LOXL2: variants seen among roughly 807,000 people sequenced by gnomAD.
The protein encoded by LOXL2 is lysyl oxidase like 2, also known as lysyl oxidase homolog 2.
Under a neutral mutation model 93.0 loss-of-function variants are expected in LOXL2, and 70 were observed. That is an observed-to-expected ratio of 0.75 (90% CI 0.62 to 0.92). The LOEUF (loss-of-function observed/expected upper bound fraction) is 0.92. LOXL2 is among the 40% of genes least tolerant of loss of function. The pLI is 0.00. For synonymous variants in LOXL2, 438 were observed against 413.2 expected (o/e 1.06, Z -0.73); for missense variants, 973 against 1,054.9 (o/e 0.92, Z 1.08).
intron 2 of LOXL2, 65 bp downstream of exon 2, chr8:23,367,932 T>G (rs1804431634): frequency 7.2e-7 from 1 of 1,383,074 alleles, no homozygotes; most frequent in African/African-American, 1.4e-5. Flanking sequence ...CAGGCTGACC[T>G]CAGGGAAGGC....
chr8:23,386,764 C>T (rs556116160), intron 1 of LOXL2, among the ~76,000 whole-genome samples: 30 of 152,234 alleles, frequency 2.0e-4, no homozygotes, highest in African/African-American at 5.8e-4. Flanking sequence ...CCCTCCTCTA[C>T]GCTGAATGCA....
At position 23,368,195 on chromosome 8, in the gene LOXL2, C is replaced by T. The variant is rs138503568; in HGVS notation, c.157G>A (p.Val53Met). 30 of 1,613,906 alleles carry T rather than the reference C, an allele frequency of 1.9e-5. No homozygotes were observed. The highest frequency in any genetic ancestry group is 2.4e-5 in the Non-Finnish European group (28 of 1,180,038). ...GCCAGGCGCAGCTGAATCTTGGCCACGTTGGCGGGGGCCTGGGGCTGGTGA... is the reference window on the plus strand; with the variant it reads ...GCCAGGCGCAGCTGAATCTTGGCCATGTTGGCGGGGGCCTGGGGCTGGTGA... ...EYHQPQAPANVAKIQLRLAGQ... is the reference protein window; with the variant it reads ...EYHQPQAPANMAKIQLRLAGQ... The change falls in exon 2 of 14, where the codon GTG (valine) becomes ATG (methionine). Residue 53 changes from valine to methionine, a missense_variant. Val to Met is a conservative substitution (Grantham distance 21, BLOSUM62 1). Coordinates refer to ENST00000389131, the MANE Select transcript of LOXL2 (RefSeq NM_002318.3).
At chr8:23,375,987 T>C (rs1804581148) in intron 1 of LOXL2, among the ~76,000 whole-genome samples, 1 of 151,924 alleles carries the variant, frequency 6.6e-6, no homozygotes. Context: ...TGAATAGGAG[T>C]GGTGAGAGAG....
rs373837133 is a variant in LOXL2, at chr8:23,309,720, C to T, written c.1828G>A (p.Asp610Asn). The T allele has an allele frequency of 1.7e-4, 263 of 1,576,292 alleles. No homozygotes were observed. Among genetic ancestry groups the T allele is most frequent in the South Asian group, 3.8e-4 (33 of 86,350 alleles). Residue 610 changes from aspartate to asparagine, a missense_variant, in exon 10 of 14, where the codon GAC becomes AAC. Physicochemically the swap from Asp to Asn is conservative, Grantham distance 23 (BLOSUM62 1). Transcript: ENST00000389131. ...TGGCGGCCGTTCTTGGGCCGGAAGT[C>T]GGACTGGCCATTGTTGTGGATCTGG... is the stretch of plus-strand genomic sequence containing the variant. ...SSQIHNNGQS[D>N]FRPKNGRHAW... is the part of the protein sequence containing the mutation.
chr8:23,360,307 T>G (rs1286766553), intron 2 of LOXL2, 42 bp from the exon 3 acceptor site: 1 of 1,500,832 alleles, frequency 6.7e-7, no homozygotes, highest in Non-Finnish European at 9.1e-7. Flanking sequence ...GCTGCGTCAA[T>G]GCAGGTCTGA....
intron 10 of LOXL2, among the ~76,000 whole-genome samples, chr8:23,306,675 G>C (rs1382567995): frequency 2.6e-5 from 4 of 152,264 alleles, no homozygotes; most frequent in African/African-American, 9.6e-5. Flanking sequence ...CTGACCCGGA[G>C]GACTGTCATC....
chr8:23,354,751 TC>T (rs1162368023), intron 3 of LOXL2, among the ~76,000 whole-genome samples: 1 of 151,612 alleles, frequency 6.6e-6, no homozygotes, highest in Non-Finnish European at 1.5e-5. Flanking sequence ...CCCACTTCCC[TC>T]CCCATGTAGG....
chr8:23,362,909 G>A (rs1245433622), intron 2 of LOXL2, among the ~76,000 whole-genome samples: 1 of 152,162 alleles, frequency 6.6e-6, no homozygotes, highest in Non-Finnish European at 1.5e-5. Context: ...CCTTTTAGGA[G>A]TCTAGAGCAG....
At chr8:23,300,741 A>G (rs959047523) in intron 12 of LOXL2, among the ~76,000 whole-genome samples, 1 of 152,130 alleles carries the variant, frequency 6.6e-6, no homozygotes, top group Admixed American at 6.5e-5. Flanking sequence ...CTTCCTTGGG[A>G]GATTAAATCA....
chr8:23,318,357 A>T (rs1172056305), intron 8 of LOXL2, among the ~76,000 whole-genome samples: 1 of 151,864 alleles, frequency 6.6e-6, no homozygotes, highest in Non-Finnish European at 1.5e-5. Context: ...ATCTTTCTTC[A>T]TGCTGTGTGT....
At chr8:23,377,523 A>T (rs9774255) in intron 1 of LOXL2, among the ~76,000 whole-genome samples, 47,809 of 122,590 alleles carry the variant, frequency 0.39, 10,836 homozygotes, top group East Asian at 0.63. Context: ...TGATCTGTCT[A>T]ATGTTGACAG....
chr8:23,301,982 C>T (rs374272503), intron 12 of LOXL2, 45 bp downstream of exon 12: 11 of 1,607,740 alleles, frequency 6.8e-6, no homozygotes, highest in Admixed American at 1.7e-5. Flanking sequence ...AGGTGGCCTC[C>T]CCTCCTCCCC....
intron 1 of LOXL2, among the ~76,000 whole-genome samples, chr8:23,399,131 G>C (rs756930597): frequency 6.6e-6 from 1 of 152,156 alleles, no homozygotes; most frequent in African/African-American, 2.4e-5. Flanking sequence ...TGCTATTCCC[G>C]CCTTGTCTGT....
chr8:23,343,179 G>A (rs1803912863), intron 3 of LOXL2, among the ~76,000 whole-genome samples: 1 of 152,104 alleles, frequency 6.6e-6, no homozygotes, highest in Admixed American at 6.5e-5. Flanking sequence ...CCCCCTCACT[G>A]TCCCCAGCTT....
intron 1 of LOXL2, among the ~76,000 whole-genome samples, chr8:23,403,326 A>G (rs1164997878): frequency 6.6e-6 from 1 of 152,076 alleles, no homozygotes. Flanking sequence ...GGGAGTGCAT[A>G]CCTGGCGTGC....
intron 10 of LOXL2, among the ~76,000 whole-genome samples, chr8:23,304,702 G>C (rs1803200767): frequency 6.6e-6 from 1 of 152,140 alleles, no homozygotes; most frequent in African/African-American, 2.4e-5. Flanking sequence ...TGACATACCT[G>C]TCCCCTTCCT....
chr8:23,301,220 T>G (rs372726223), intron 12 of LOXL2, among the ~76,000 whole-genome samples: 1 of 152,268 alleles, frequency 6.6e-6, no homozygotes, highest in African/African-American at 2.4e-5. Context: ...GGTGAGGACG[T>G]AGGAGAGAGT....
chr8:23,357,365 C>A (rs759503671), intron 3 of LOXL2, among the ~76,000 whole-genome samples: 1 of 152,132 alleles, frequency 6.6e-6, no homozygotes, highest in African/African-American at 2.4e-5. Flanking sequence ...CCACTGCGCC[C>A]GGCCTTTTTC....
intron 1 of LOXL2, among the ~76,000 whole-genome samples, chr8:23,390,206 T>C (rs918836863): frequency 7.2e-5 from 11 of 152,184 alleles, no homozygotes; most frequent in Non-Finnish European, 1.6e-4. Context: ...CGATCTCAGC[T>C]GTGGTCTGGG....
Sources: allele counts gnomAD v4.1 joint callset (sites outside exome capture counted in the v4.1 genomes callset), GRCh38; gene constraint gnomAD v4.1.1; transcripts MANE v1.5; gene names NCBI Gene and HGNC (gene_info 2026-07-23, HGNC 2026-07-21).